The following DSCAML1 variants were observed in gnomAD, a reference collection of about 807,000 sequenced individuals.
The protein encoded by DSCAML1 is DS cell adhesion molecule like 1, also known as cell adhesion molecule DSCAML1.
In DSCAML1, 38 loss-of-function variants were observed where a neutral mutation model predicts 200.5. The observed-to-expected ratio is 0.19, with a 90% CI of 0.15 to 0.25. The LOEUF is 0.25. DSCAML1 is among the 10% of genes least tolerant of loss of function. DSCAML1 has a pLI of 1.00. For synonymous variants in DSCAML1, 1,215 were observed against 1,165.0 expected, an observed-to-expected ratio of 1.04 and a Z score of -0.87; for missense variants, 2,223 against 2,858.8, an observed-to-expected ratio of 0.78 and a Z score of 5.07.
rs778954194 is a variant in DSCAML1, at chr11:117,458,902, G to A, written c.3420C>T (p.Gly1140=). The A allele has an allele frequency of 2.5e-6, 4 of 1,613,152 alleles. No homozygotes were observed. Among genetic ancestry groups the A allele is most frequent in the Non-Finnish European group, 3.4e-6 (4 of 1,179,790 alleles). ...FWSLYVDGEW[G]EMQNITTTRE... ...GCGTGGTGGTGATGTTCTGCATCTC[G>A]CCCCACTCTGCCAGAGACCAGCAAA... The change falls in exon 19 of 33, where the codon GGC becomes GGT. Residue 1140 remains glycine (G), a synonymous_variant. Coordinates refer to ENST00000651296, the MANE Select transcript of DSCAML1 (RefSeq NM_020693.4).
chr11:117,776,554 C>T (rs2055131694), intron 3 of DSCAML1, among the ~76,000 whole-genome samples: 1 of 152,106 alleles, frequency 6.6e-6, no homozygotes. Context: ...GGGACCCTCA[C>T]AGACCCAGTC....
intron 3 of DSCAML1, among the ~76,000 whole-genome samples, chr11:117,677,270 C>T (rs2053231595): frequency 6.6e-6 from 1 of 152,158 alleles, no homozygotes; most frequent in African/African-American, 2.4e-5. Context: ...AAGGGCTTGC[C>T]AAGGGCTGGG....
chr11:117,780,011 G>A lies in DSCAML1; in HGVS notation c.364+482C>T, dbSNP rs1054814030. 4.0e-5 allele frequency among the ~76,000 whole-genome samples: 6 copies of A among 151,800 alleles called. No homozygotes were observed. Among genetic ancestry groups the A allele is most frequent in the South Asian group, 2.1e-4 (1 of 4,794 alleles). ...GCACCAACTCATTTAACCATCACAC[G>A]TAGTGATACAGAGGTAGGTACTTGC... On this transcript the variant is annotated intron_variant, in intron 2 of 32. Transcript: ENST00000651296. The surrounding 1 kb of genome is among the most constrained non-coding windows in gnomAD (Gnocchi z 4.8).
rs1359651946 is a variant in DSCAML1, at chr11:117,469,541, G to A, written c.3024+369C>T. The stretch of plus-strand genomic sequence containing the variant: ...GGCAGTTGTTTTCATGCTGATGTTA[G>A]AAAGGAGGAACTTGGCACAAAATCA... On this transcript the variant is annotated intron_variant, in intron 16 of 32. Coordinates refer to ENST00000651296, the MANE Select transcript of DSCAML1 (RefSeq NM_020693.4). The surrounding 1 kb of genome is among the most constrained non-coding windows in gnomAD (Gnocchi z 4.1). Among the ~76,000 whole-genome samples the A allele has an allele frequency of 6.6e-6, 1 of 152,128 alleles. No individual in the cohort carries two copies. The highest frequency in any genetic ancestry group is 3.2e-3 in the Middle Eastern group (1 of 316).
intron 3 of DSCAML1, among the ~76,000 whole-genome samples, chr11:117,672,789 C>A (rs756107388): frequency 1.1e-4 from 16 of 152,186 alleles, no homozygotes; most frequent in Admixed American, 1.3e-4. Flanking sequence ...TTCAAAGACT[C>A]GGGGTATCAT....
At chr11:117,568,901 C>T (rs1317479784) in intron 3 of DSCAML1, among the ~76,000 whole-genome samples, 8 of 152,084 alleles carry the variant, frequency 5.3e-5, no homozygotes, top group East Asian at 3.8e-4. Flanking sequence ...AAAAAGAGCC[C>T]GCATCACCAA....
At chr11:117,595,300 T>C (rs1436550987) in intron 3 of DSCAML1, among the ~76,000 whole-genome samples, 2 of 152,102 alleles carry the variant, frequency 1.3e-5, no homozygotes, top group Non-Finnish European at 1.5e-5. Flanking sequence ...AGAATACCAA[T>C]TTGTTGTAAG....
At chr11:117,772,047 T>C (rs139030364) in intron 3 of DSCAML1, among the ~76,000 whole-genome samples, 2 of 152,122 alleles carry the variant, frequency 1.3e-5, no homozygotes, top group African/African-American at 2.4e-5. Context: ...AGGGTAGTAC[T>C]GTCTGCCCGG....
At chr11:117,443,655 C>T (rs2048115560) in intron 21 of DSCAML1, among the ~76,000 whole-genome samples, 1 of 152,160 alleles carries the variant, frequency 6.6e-6, no homozygotes, top group African/African-American at 2.4e-5. Context: ...TGCACCCTGT[C>T]CACCCGCCCC....
intron 3 of DSCAML1, among the ~76,000 whole-genome samples, chr11:117,630,388 A>C (rs1455040259): frequency 6.6e-6 from 1 of 152,094 alleles, no homozygotes; most frequent in East Asian, 1.9e-4. Context: ...CCTTGCAGAC[A>C]CACAGATCTC....
At chr11:117,534,719 C>T (rs1258908915) in intron 3 of DSCAML1, among the ~76,000 whole-genome samples, 3 of 152,120 alleles carry the variant, frequency 2.0e-5, no homozygotes, top group South Asian at 2.1e-4. Flanking sequence ...AAGCGATCCT[C>T]GCACCCCAGC....
At chr11:117,665,285 G>A (rs1339795658) in intron 3 of DSCAML1, among the ~76,000 whole-genome samples, 1 of 152,178 alleles carries the variant, frequency 6.6e-6, no homozygotes, top group African/African-American at 2.4e-5. Context: ...CGGCTCGTAC[G>A]AGCTGGGCAG....
At chr11:117,436,146 G>C (rs2047910981) in intron 26 of DSCAML1, among the ~76,000 whole-genome samples, 1 of 152,188 alleles carries the variant, frequency 6.6e-6, no homozygotes, top group Non-Finnish European at 1.5e-5. Flanking sequence ...AGCTGGGGTG[G>C]GGAGAACAAA....
intron 11 of DSCAML1, among the ~76,000 whole-genome samples, chr11:117,485,423 A>G (rs752865209): frequency 1.3e-5 from 2 of 152,186 alleles, no homozygotes; most frequent in Non-Finnish European, 2.9e-5. Context: ...CCCCTAGCTC[A>G]GGGCTAGTTC....
At chr11:117,650,598 C>A (rs2052609368) in intron 3 of DSCAML1, among the ~76,000 whole-genome samples, 1 of 151,830 alleles carries the variant, frequency 6.6e-6, no homozygotes, top group Non-Finnish European at 1.5e-5. Context: ...GGTCACAGTA[C>A]CGAGCTGGTG....
intron 3 of DSCAML1, among the ~76,000 whole-genome samples, chr11:117,539,332 G>A (rs561180937): frequency 6.6e-6 from 1 of 152,082 alleles, no homozygotes; most frequent in Non-Finnish European, 1.5e-5. Flanking sequence ...TCTAGGCTGG[G>A]CGCAGTGGCT....
At chr11:117,533,814 C>T (rs1298717855) in intron 3 of DSCAML1, among the ~76,000 whole-genome samples, 8 of 150,552 alleles carry the variant, frequency 5.3e-5, no homozygotes, top group African/African-American at 1.5e-4. Flanking sequence ...GGTTGGGGGG[C>T]GGGGTTTGCA....
chr11:117,784,575 G>C (rs182133839), intron 1 of DSCAML1, among the ~76,000 whole-genome samples: 68 of 152,282 alleles, frequency 4.5e-4, no homozygotes, highest in Non-Finnish European at 7.8e-4. Context: ...GCCTCACAGA[G>C]TCTGGTGCTG....
intron 3 of DSCAML1, among the ~76,000 whole-genome samples, chr11:117,752,261 C>T (rs1401216439): frequency 6.6e-6 from 1 of 152,162 alleles, no homozygotes; most frequent in Non-Finnish European, 1.5e-5. Context: ...CATAGCTGAA[C>T]AAGGAGGGGA....
Sources: gnomAD v4.1 joint callset for allele counts (sites outside exome capture counted in the v4.1 genomes callset) on GRCh38, gnomAD v4.1.1 for gene constraint, Gnocchi (gnomAD v3.1) non-coding constraint, MANE v1.5 for transcripts, NCBI Gene and HGNC (gene_info 2026-07-23, HGNC 2026-07-21) for gene names.